Variants in LONP1 observed in about 807,000 individuals in gnomAD.
The protein encoded by LONP1 is lon peptidase 1, mitochondrial, also known as lon protease homolog, mitochondrial.
In LONP1, 31 loss-of-function variants were observed where a neutral mutation model predicts 98.5. The ratio of observed to expected loss-of-function variants is 0.31; its 90% confidence interval spans 0.24 to 0.42. The LOEUF (loss-of-function observed/expected upper bound fraction) is 0.42. Among genes scored for constraint, LONP1 ranks in the 20% least tolerant of loss-of-function variants. LONP1 has a pLI of 1.00. For missense variants in LONP1, 1,336 were observed against 1,350.6 expected, an observed-to-expected ratio of 0.99 and a Z score of 0.17; for synonymous variants, 781 against 594.7, an observed-to-expected ratio of 1.31 and a Z score of -4.56.
At chr19:5,701,338 CGGTCTCCCCTTTCCCTCTTTCCAT>C (rs1282617388) in intron 8 of LONP1, among the ~76,000 whole-genome samples, 17 of 152,080 alleles carry the variant, frequency 1.1e-4, no homozygotes, top group East Asian at 1.9e-4. Context: ...CCCCTTTCCA[CGGTCTCCCCTTTCCCTCTTTCCAT>C]GGTCTCCCTC....
Position 5,696,635 on chromosome 19 carries a change from C to CGGGTCAGGGTTGCCTGGGGCTCT in LONP1, c.1773+34_1773+35insAGAGCCCCAGGCAACCCTGACCC, listed in dbSNP as rs3840916. ...GGCTTCATCTTGCACACGGCATTGC[C>CGGGTCAGGGTTGCCTGGGGCTCT]GGGTTAGGGGGTCTCCGGGCCTCTC... On this transcript the variant is annotated intron_variant, in intron 11 of 17. Transcript: ENST00000360614. The CGGGTCAGGGTTGCCTGGGGCTCT allele has an allele frequency of 0.023, 36,645 of 1,592,470 alleles. 522 individuals are homozygous for CGGGTCAGGGTTGCCTGGGGCTCT. Among genetic ancestry groups the CGGGTCAGGGTTGCCTGGGGCTCT allele is most frequent in the East Asian group, 0.027 (1,193 of 44,750 alleles).
At chr19:5,717,771 G>A (rs542762840) in intron 1 of LONP1, among the ~76,000 whole-genome samples, 1 of 152,332 alleles carries the variant, frequency 6.6e-6, no homozygotes, top group African/African-American at 2.4e-5. Context: ...CTGCAGTGCA[G>A]TGGTGACACC....
rs769249254 is a variant in LONP1 at position 5,711,827 on chromosome 19, T to C, written c.814A>G (p.Met272Val). 1 of 1,612,810 alleles carries C rather than the reference T, an allele frequency of 6.2e-7. No homozygotes were observed. Among genetic ancestry groups the C allele is most frequent in the Non-Finnish European group, 8.5e-7 (1 of 1,179,908 alleles). The stretch of plus-strand genomic sequence containing the variant: ...TGGACAACGTTCTCTACCTCCACCA[T>C]GAGCACCTCAGCCGGGAGCTCAGGG... ...PTPELPAEVL[M>V]VEVENVVHED... The change falls in exon 4 of 18, where the codon ATG becomes GTG. Residue 272 changes from methionine to valine, a missense_variant. Coordinates refer to ENST00000360614, the MANE Select transcript of LONP1 (RefSeq NM_004793.4).
In LONP1 at chr19:5,696,147, G is replaced by A. The variant is rs756523528; in HGVS notation, c.1920C>T (p.Asn640=). ...LSKVLFICTA[N]VTDTIPEPLR... is the part of the protein sequence containing the mutation. ...GCGGCTCGGGGATGGTGTCCGTGAC[G>A]TTGGCCGTGCAGATGAACAGCACCT... The change falls in exon 13 of 18, where the codon AAC becomes AAT. Residue 640 remains asparagine, a synonymous_variant. Transcript: ENST00000360614. The A allele has an allele frequency of 3.1e-5, 50 of 1,612,834 alleles. No individual in the cohort carries two copies. Among genetic ancestry groups the A allele is most frequent in the African/African-American group, 5.3e-5 (4 of 74,910 alleles).
chr19:5,706,979 G>T, intron 7 of LONP1, 81 bp downstream of exon 7: 1 of 1,219,548 alleles, frequency 8.2e-7, no homozygotes, highest in East Asian at 2.5e-5. Flanking sequence ...CGGTCCCTCC[G>T]TGTGCTCCAG....
rs551488744 is a variant in LONP1, at chr19:5,701,477, C to T, written c.1368-550G>A. On this transcript the variant is annotated intron_variant, in intron 8 of 17. Transcript: ENST00000360614. ...TGCCGAGTGCCTGCGATTGCAGGCG[C>T]GCGCCGCCACGCCTGACTGGTTTTC... Among the ~76,000 whole-genome samples, 8 of 152,296 alleles carry T rather than the reference C, an allele frequency of 5.3e-5. No individual in the cohort carries two copies. The South Asian group carries it at 1.0e-3, about 20-fold the overall frequency.
intron 8 of LONP1, among the ~76,000 whole-genome samples, chr19:5,705,395 T>C (rs1482069750): frequency 1.3e-5 from 2 of 150,670 alleles, no homozygotes; most frequent in African/African-American, 4.9e-5. Flanking sequence ...AAAGCGGAAG[T>C]TGCAGTGAGC....
At chr19:5,702,484 G>C (rs1325207764) in intron 8 of LONP1, among the ~76,000 whole-genome samples, 1 of 151,924 alleles carries the variant, frequency 6.6e-6, no homozygotes, top group Non-Finnish European at 1.5e-5. Flanking sequence ...GGGAGGAGTG[G>C]GGGTCAGCCC....
At chr19:5,714,584 C>T (rs1480251586) in intron 1 of LONP1, among the ~76,000 whole-genome samples, 2 of 149,844 alleles carry the variant, frequency 1.3e-5, no homozygotes, top group Non-Finnish European at 3.0e-5. Context: ...GGATTATAGG[C>T]GTGAGCCACC....
intron 3 of LONP1, 194 bp from the exon 4 acceptor site, chr19:5,712,196 A>AC: frequency 1.8e-6 from 1 of 557,988 alleles, no homozygotes; most frequent in Non-Finnish European, 3.2e-6. Context: ...TGTCCCCTCC[A>AC]CCCCTTAGAC....
In LONP1 at chr19:5,696,205, G is replaced by A. The variant is rs758890734; in HGVS notation, c.1897-35C>T. 4.4e-5 allele frequency: 71 copies of A among 1,612,646 alleles called. 1 individual carries two copies. The highest frequency in any genetic ancestry group is 3.3e-4 in the Middle Eastern group (2 of 6,062). On this transcript the variant is annotated intron_variant, in intron 12 of 17. Coordinates refer to ENST00000360614, the MANE Select transcript of LONP1 (RefSeq NM_004793.4). ...GCGGCAAGGTGCTGGGGGACTGGCC[G>A]CTTACCCTCCCCAGCAAGCCCAGGC...
At position 5,704,551 on chromosome 19, in the gene LONP1, C is replaced by T. The variant is rs1006275; in HGVS notation, c.1367+1221G>A. Among the ~76,000 whole-genome samples, 978 of 152,328 alleles carry T rather than the reference C, an allele frequency of 6.4e-3. 32 individuals carry two copies. The highest frequency in any genetic ancestry group is 0.057 in the Admixed American group (866 of 15,306). Reference sequence around the variant, plus strand: ...TCCTACGGCCTGCCCAGCCCTGCCCCGGGGACTTCTGCCTAGAAGCTGCCC... The same window carrying T: ...TCCTACGGCCTGCCCAGCCCTGCCCTGGGGACTTCTGCCTAGAAGCTGCCC... On this transcript the variant is annotated intron_variant, in intron 8 of 17. Coordinates refer to ENST00000360614, the MANE Select transcript of LONP1 (RefSeq NM_004793.4).
intron 1 of LONP1, 122 bp downstream of exon 1, chr19:5,719,582 C>G: frequency 1.3e-6 from 2 of 1,532,184 alleles, no homozygotes; most frequent in Non-Finnish European, 1.8e-6. Flanking sequence ...TCGAACTGCA[C>G]CCTTCGAGAA....
At chr19:5,698,254 T>G (rs1166820659) in intron 10 of LONP1, among the ~76,000 whole-genome samples, 5 of 151,734 alleles carry the variant, frequency 3.3e-5, no homozygotes, top group Non-Finnish European at 5.9e-5. Context: ...AGCCGGGAGG[T>G]CGGGAGCTGG....
chr19:5,694,923 T>A (rs752662563), intron 13 of LONP1, 22 bp from the exon 14 acceptor site: 2 of 1,585,946 alleles, frequency 1.3e-6, no homozygotes, highest in African/African-American at 2.7e-5. Context: ...ACCGTCAGGG[T>A]TGGGTCTGGA....
At chr19:5,707,337 A>T (rs567191158) in intron 6 of LONP1, among the ~76,000 whole-genome samples, 194 bp from the exon 7 acceptor site, 11 of 152,294 alleles carry the variant, frequency 7.2e-5, no homozygotes, top group African/African-American at 2.4e-4. Flanking sequence ...GATACTTCAC[A>T]GGCCCTCCAG....
chr19:5,697,537 AGAGG>A (rs1193763142), intron 10 of LONP1, among the ~76,000 whole-genome samples: 19 of 115,824 alleles, frequency 1.6e-4, no homozygotes, highest in African/African-American at 6.0e-4. Flanking sequence ...GAGAGGGGGA[AGAGG>A]GAGGAGATGG....
Position 5,720,098 on chromosome 19 carries a change from C to A in LONP1, c.35G>T (p.Gly12Val). The A allele has an allele frequency of 6.8e-7, 1 of 1,476,472 alleles. No individual in the cohort carries two copies. The highest frequency in any genetic ancestry group is 1.3e-5 in the South Asian group (1 of 76,034). 91.5% of individuals were successfully genotyped at this position (1,476,472 alleles called of 1,614,324 possible). A position where few individuals can be genotyped will look rare whatever the true frequency, so the allele number is the denominator to read the frequency against. Residue 12 changes from glycine to valine, a missense_variant, in exon 1 of 18, where the codon GGA becomes GTA. Physicochemically the swap from Gly to Val is moderately radical, Grantham distance 109 (BLOSUM62 -3). Around this residue, in one of 5 missense-constraint regions of LONP1, gnomAD observed 457 missense variants for 403.1 expected, o/e 1.13. Transcript: ENST00000360614. Reference protein sequence around the residue: ...AASTGYVRLWGAARCWVLRRP... With the variant: ...AASTGYVRLWVAARCWVLRRP... Reference sequence around the variant, plus strand: ...CCGCAGCACCCAGCACCGCGCCGCTCCCCACAGTCGCACGTAGCCAGTGCT... The same window carrying A: ...CCGCAGCACCCAGCACCGCGCCGCTACCCACAGTCGCACGTAGCCAGTGCT...
chr19:5,692,299 C>T (rs890658737), intron 17 of LONP1, 91 bp from the exon 18 acceptor site: 7 of 1,284,856 alleles, frequency 5.4e-6, no homozygotes, highest in African/African-American at 1.5e-5. Flanking sequence ...TCCTGGGGAC[C>T]GGCGATACAC....
Sources: allele counts gnomAD v4.1 joint callset (sites outside exome capture counted in the v4.1 genomes callset), GRCh38; gene constraint gnomAD v4.1.1; regional missense constraint gnomAD v4.1.1; transcripts MANE v1.5; gene names NCBI Gene and HGNC (gene_info 2026-07-23, HGNC 2026-07-21).